The following ASAP1 variants were observed in gnomAD, a reference collection of about 807,000 sequenced individuals.
The protein encoded by ASAP1 is arf-GAP with SH3 domain, ANK repeat and PH domain-containing protein 1.
Under a neutral mutation model 145.2 loss-of-function variants are expected in ASAP1, and 43 were observed. The ratio of observed to expected loss-of-function variants is 0.30; its 90% CI spans 0.23 to 0.38. ASAP1 has a LOEUF of 0.38. Ranked by LOEUF, ASAP1 falls within the 10% of genes least tolerant of loss-of-function variation. The probability of loss-of-function intolerance (pLI) is 1.00; values close to 1 mark genes in which losing one functional copy is unlikely to be tolerated. For synonymous variants in ASAP1, 546 were observed against 515.5 expected (o/e 1.06, Z -0.80); for missense variants, 1,018 against 1,355.3 (o/e 0.75, Z 3.91).
intron 27 of ASAP1, among the ~76,000 whole-genome samples, chr8:130,075,151 T>C (rs560959220): frequency 1.3e-5 from 2 of 152,220 alleles, no homozygotes; most frequent in Admixed American, 1.3e-4. Flanking sequence ...TAAATGGGGA[T>C]ACATGCCTGG....
chr8:130,128,341 A>G (rs2097578391), intron 15 of ASAP1, among the ~76,000 whole-genome samples: 2 of 152,058 alleles, frequency 1.3e-5, no homozygotes, highest in African/African-American at 4.8e-5. Context: ...GCAGATGAGA[A>G]AAGTAAAAAA....
At chr8:130,097,703 G>C (rs1434836407) in intron 24 of ASAP1, among the ~76,000 whole-genome samples, 1 of 152,208 alleles carries the variant, frequency 6.6e-6, no homozygotes, top group African/African-American at 2.4e-5. Context: ...CAAAGCTCTT[G>C]TCCCACATTC....
At chr8:130,070,911 GA>G (rs2097443399) in intron 27 of ASAP1, among the ~76,000 whole-genome samples, 2 of 18,928 alleles carry the variant, frequency 1.1e-4, no homozygotes, top group African/African-American at 4.9e-4. Context: ...GAGGGAGAGA[GA>G]GGGGGAGAGA....
chr8:130,206,686 TC>T (rs35841555), intron 5 of ASAP1, among the ~76,000 whole-genome samples: 4 of 152,220 alleles, frequency 2.6e-5, no homozygotes, highest in African/African-American at 4.8e-5. Context: ...CTAGAATACT[TC>T]CGGGTGACTC....
At chr8:130,267,793 T>A (rs1179146996) in intron 3 of ASAP1, among the ~76,000 whole-genome samples, 1 of 152,188 alleles carries the variant, frequency 6.6e-6, no homozygotes, top group East Asian at 1.9e-4. Flanking sequence ...TGAGAAAATC[T>A]TCCCGTAAGT....
chr8:130,257,631 A>AG (rs1214673051), intron 3 of ASAP1, among the ~76,000 whole-genome samples: 2 of 152,216 alleles, frequency 1.3e-5, no homozygotes, highest in African/African-American at 4.8e-5. Flanking sequence ...TGCGAAAAAA[A>AG]GGGATCTACA....
intron 3 of ASAP1, among the ~76,000 whole-genome samples, chr8:130,300,143 C>CAGAGAGAGAGAGAGAGAGAGAG (rs1458876507): frequency 9.0e-6 from 1 of 111,662 alleles, no homozygotes; most frequent in African/African-American, 4.0e-5. Context: ...CACACACACA[C>CAGAGAGAGAGAGAGAGAGAGAG]ACACACACAC....
chr8:130,142,699 T>C (rs1787627505), intron 13 of ASAP1, among the ~76,000 whole-genome samples: 1 of 152,002 alleles, frequency 6.6e-6, no homozygotes, highest in South Asian at 2.1e-4. Flanking sequence ...CTGGGAAGTG[T>C]GATAAGCAGG....
At chr8:130,260,518 G>T (rs1399735088) in intron 3 of ASAP1, among the ~76,000 whole-genome samples, 1 of 152,198 alleles carries the variant, frequency 6.6e-6, no homozygotes, top group Non-Finnish European at 1.5e-5. Context: ...GAGGTTCAAT[G>T]ACTTGCCTAA....
chr8:130,276,952 T>G (rs918425183), intron 3 of ASAP1, among the ~76,000 whole-genome samples: 11 of 152,152 alleles, frequency 7.2e-5, no homozygotes, highest in Non-Finnish European at 1.6e-4. Context: ...GGACTCTGCC[T>G]GCTGCTGAGG....
At chr8:130,399,643 T>C (rs1354415056) in intron 2 of ASAP1, among the ~76,000 whole-genome samples, 1 of 152,118 alleles carries the variant, frequency 6.6e-6, no homozygotes, top group African/African-American at 2.4e-5. Flanking sequence ...TATCTAATCA[T>C]CCTTTAAAAA....
At chr8:130,364,962 C>A (rs1259216160) in intron 2 of ASAP1, among the ~76,000 whole-genome samples, 2 of 152,058 alleles carry the variant, frequency 1.3e-5, no homozygotes, top group Non-Finnish European at 2.9e-5. Flanking sequence ...AAATAAAACA[C>A]AAAAAACAAA....
intron 4 of ASAP1, among the ~76,000 whole-genome samples, chr8:130,217,489 ATATG>A (rs1318060315): frequency 6.6e-6 from 1 of 151,652 alleles, no homozygotes; most frequent in African/African-American, 2.4e-5. Context: ...ACACACGTAT[ATATG>A]TATATTATAT....
At chr8:130,416,768 A>G (rs1829491767) in intron 1 of ASAP1, among the ~76,000 whole-genome samples, 1 of 152,362 alleles carries the variant, frequency 6.6e-6, no homozygotes, top group Admixed American at 6.5e-5. Flanking sequence ...GGCTCCTCGG[A>G]GACTCTGATG....
intron 13 of ASAP1, among the ~76,000 whole-genome samples, 182 bp from the exon 14 acceptor site, chr8:130,137,220 ATC>A (rs1424226239): frequency 1.3e-5 from 2 of 152,214 alleles, no homozygotes; most frequent in Admixed American, 1.3e-4. Context: ...AAGACAACAG[ATC>A]TGTAGGTTTC....
intron 9 of ASAP1, among the ~76,000 whole-genome samples, chr8:130,178,893 A>G (rs1814156367): frequency 1.4e-5 from 2 of 139,782 alleles, no homozygotes; most frequent in South Asian, 4.6e-4. Context: ...GTCTCAAAGG[A>G]AAAAAAAAAA....
chr8:130,201,605 T>C (rs1260621122), intron 5 of ASAP1, among the ~76,000 whole-genome samples: 1 of 152,184 alleles, frequency 6.6e-6, no homozygotes, highest in Non-Finnish European at 1.5e-5. Flanking sequence ...GATAATTATA[T>C]GGAAAGGGGA....
intron 27 of ASAP1, 103 bp downstream of exon 27, chr8:130,076,245 C>A (rs1384352560): frequency 1.5e-5 from 11 of 730,074 alleles, no homozygotes; most frequent in Admixed American, 2.9e-5. Context: ...CTGCTCTAGG[C>A]ATTTGGGATG....
intron 5 of ASAP1, among the ~76,000 whole-genome samples, chr8:130,189,678 G>C (rs1292278163): frequency 6.6e-6 from 1 of 152,136 alleles, no homozygotes; most frequent in Non-Finnish European, 1.5e-5. Context: ...ACCCAGCACT[G>C]GGATTCCTGG....
Sources: gnomAD v4.1 joint callset for allele counts (sites outside exome capture counted in the v4.1 genomes callset) on GRCh38, gnomAD v4.1.1 for gene constraint, MANE v1.5 for transcripts, NCBI Gene and HGNC (gene_info 2026-07-23, HGNC 2026-07-21) for gene names.